The following TRABD2B variants were observed in gnomAD, a reference collection of about 807,000 sequenced individuals.
TRABD2B encodes metalloprotease TIKI2.
Under a neutral mutation model 40.1 loss-of-function variants are expected in TRABD2B, and 14 were observed. That is an observed-to-expected ratio of 0.35 (90% confidence interval 0.23 to 0.55). TRABD2B has a LOEUF of 0.55. Among genes scored for constraint, TRABD2B ranks in the 20% least tolerant of loss-of-function variants. The pLI, the probability that TRABD2B is intolerant of heterozygous loss-of-function variation, is 0.90. For missense variants in TRABD2B, 541 were observed against 648.6 expected (o/e 0.83, Z 1.80); for synonymous variants, 263 against 277.0 (o/e 0.95, Z 0.50).
chr1:47,830,312 T>G (rs149025620), intron 2 of TRABD2B, among the ~76,000 whole-genome samples: 1 of 152,218 alleles, frequency 6.6e-6, no homozygotes, highest in African/African-American at 2.4e-5. Context: ...TGTGATAACA[T>G]TAAATTCTAG....
At chr1:47,941,515 G>A (rs746398452) in intron 2 of TRABD2B, among the ~76,000 whole-genome samples, 5 of 152,210 alleles carry the variant, frequency 3.3e-5, no homozygotes, top group African/African-American at 4.8e-5. Flanking sequence ...GAACTACATT[G>A]AGAACTGGGA....
intron 3 of TRABD2B, among the ~76,000 whole-genome samples, chr1:47,798,637 C>T (rs1644779976): frequency 6.6e-6 from 1 of 152,210 alleles, no homozygotes; most frequent in African/African-American, 2.4e-5. Flanking sequence ...ACATTATAGC[C>T]AGAGGCATCT....
At chr1:47,925,530 T>A (rs1464171468) in intron 2 of TRABD2B, among the ~76,000 whole-genome samples, 12 of 152,252 alleles carry the variant, frequency 7.9e-5, no homozygotes, top group Non-Finnish European at 1.6e-4. Flanking sequence ...TTCTGTTTTA[T>A]ATACTTTCTT....
intron 4 of TRABD2B, among the ~76,000 whole-genome samples, chr1:47,792,636 A>G (rs1379091345): frequency 6.6e-6 from 1 of 152,112 alleles, no homozygotes; most frequent in African/African-American, 2.4e-5. Context: ...GGGTTTCAGG[A>G]AAAGGAGGTT....
chr1:47,821,314 G>A (rs988676964), intron 2 of TRABD2B, among the ~76,000 whole-genome samples: 3 of 152,160 alleles, frequency 2.0e-5, no homozygotes, highest in Non-Finnish European at 4.4e-5. Context: ...AAGTCCCCCT[G>A]AACATGGTTA....
chr1:47,990,493 G>A (rs1479640918), intron 2 of TRABD2B, among the ~76,000 whole-genome samples: 1 of 152,040 alleles, frequency 6.6e-6, no homozygotes, highest in African/African-American at 2.4e-5. Context: ...AAGGGATGAC[G>A]AGTGGATATG....
intron 2 of TRABD2B, among the ~76,000 whole-genome samples, chr1:47,831,072 T>TGTCGCTGG (rs201335634): frequency 1.1e-4 from 1 of 9,356 alleles, no homozygotes; most frequent in East Asian, 0.021. Flanking sequence ...TGTCCTTGGT[T>TGTCGCTGG]GCCACGTGTC....
chr1:47,787,771 T>A (rs1049830878), intron 4 of TRABD2B, among the ~76,000 whole-genome samples: 1 of 150,790 alleles, frequency 6.6e-6, no homozygotes, highest in South Asian at 2.1e-4. Context: ...TCAGGGTTGG[T>A]GCATTCATTC....
chr1:47,781,109 C>A (rs917069172), intron 4 of TRABD2B, among the ~76,000 whole-genome samples: 1 of 152,216 alleles, frequency 6.6e-6, no homozygotes, highest in Non-Finnish European at 1.5e-5. Flanking sequence ...TTGCCTTTCC[C>A]CACAGCACCA....
At chr1:47,770,711 C>T (rs1027195176) in intron 6 of TRABD2B, among the ~76,000 whole-genome samples, 1 of 152,228 alleles carries the variant, frequency 6.6e-6, no homozygotes, top group Non-Finnish European at 1.5e-5. Context: ...CTTCCTGTCC[C>T]TCACTAGCAC....
In TRABD2B at chr1:47,764,540, C is replaced by T. The variant is rs1644278965; in HGVS notation, c.*1362G>A. ...AGGTGCCCCACAGCTGTGCCCACCT[C>T]TCAGCCTTTGATTTGGCAGGAAAGC... On this transcript the variant is annotated 3_prime_UTR_variant, in exon 7 of 7. Transcript: ENST00000606738. The T allele has an allele frequency of 6.6e-6, 1 of 152,286 alleles. No individual in the cohort carries two copies. The highest frequency in any genetic ancestry group is 2.4e-5 in the African/African-American group (1 of 41,448). 9.4% of individuals were successfully genotyped at this position (152,286 alleles called of 1,614,324 possible). A position where few individuals can be genotyped will look rare whatever the true frequency, so the allele number is the denominator to read the frequency against.
intron 2 of TRABD2B, among the ~76,000 whole-genome samples, chr1:47,859,721 A>G (rs1643938746): frequency 6.6e-6 from 1 of 152,120 alleles, no homozygotes; most frequent in Non-Finnish European, 1.5e-5. Flanking sequence ...ACCTGCCCAA[A>G]TCAGACCAAT....
At chr1:47,941,429 T>C (rs953903049) in intron 2 of TRABD2B, among the ~76,000 whole-genome samples, 1 of 152,182 alleles carries the variant, frequency 6.6e-6, no homozygotes, top group African/African-American at 2.4e-5. Flanking sequence ...TACACACATA[T>C]ACACATACTT....
chr1:47,922,094 C>T (rs1644909632), intron 2 of TRABD2B, among the ~76,000 whole-genome samples: 1 of 152,214 alleles, frequency 6.6e-6, no homozygotes, highest in Admixed American at 6.5e-5. Context: ...ATCTGTGCTG[C>T]TGCAGTCCTC....
At chr1:47,868,690 A>C (rs1056002433) in intron 2 of TRABD2B, among the ~76,000 whole-genome samples, 2 of 151,868 alleles carry the variant, frequency 1.3e-5, no homozygotes, top group African/African-American at 4.8e-5. Flanking sequence ...CACCCTCCTC[A>C]CCCTAGACTG....
intron 2 of TRABD2B, among the ~76,000 whole-genome samples, chr1:47,848,309 C>T (rs1645500270): frequency 6.6e-6 from 1 of 152,174 alleles, no homozygotes; most frequent in East Asian, 1.9e-4. Context: ...ATCTACATTC[C>T]TCACAGCCAG....
chr1:47,931,894 G>T (rs964391697), intron 2 of TRABD2B, among the ~76,000 whole-genome samples: 3 of 152,118 alleles, frequency 2.0e-5, no homozygotes, highest in African/African-American at 7.2e-5. Context: ...GTGCTGTGAG[G>T]GAAATAAAGC....
In TRABD2B at chr1:47,902,454, C is replaced by T. The variant is rs551892630; in HGVS notation, c.666+91580G>A. Reference sequence around the variant, plus strand: ...AGGCTCTTTAGGATCCACAGTGGCTCTATACTCTAAGGCCAGCACTGGGCA... The same window carrying T: ...AGGCTCTTTAGGATCCACAGTGGCTTTATACTCTAAGGCCAGCACTGGGCA... On this transcript the variant is annotated intron_variant, in intron 2 of 6. Coordinates refer to ENST00000606738, the MANE Select transcript of TRABD2B (RefSeq NM_001194986.2). Among the ~76,000 whole-genome samples the T allele has an allele frequency of 1.4e-4, 21 of 152,232 alleles. 1 individual carries two copies. The South Asian group carries it at 3.3e-3, about 24-fold the overall frequency.
At chr1:47,820,655 C>T (rs1436626428) in intron 2 of TRABD2B, among the ~76,000 whole-genome samples, 11 of 152,152 alleles carry the variant, frequency 7.2e-5, no homozygotes, top group Admixed American at 7.2e-4. Context: ...CTTCCAGCAC[C>T]CTGTGTCCTG....
Sources: gnomAD v4.1 joint callset for allele counts (sites outside exome capture counted in the v4.1 genomes callset) on GRCh38, gnomAD v4.1.1 for gene constraint, MANE v1.5 for transcripts, NCBI Gene and HGNC (gene_info 2026-07-23, HGNC 2026-07-21) for gene names.